SDHB: variants seen among roughly 807,000 people sequenced by gnomAD.
SDHB encodes succinate dehydrogenase [ubiquinone] iron-sulfur subunit, mitochondrial.
SDHB carries 21 observed loss-of-function variants against 39.7 expected under a neutral mutation model. That is an observed-to-expected ratio of 0.53 (90% CI 0.37 to 0.76). The LOEUF is 0.76. SDHB is among the 30% of genes least tolerant of loss of function. The pLI is 0.00. For synonymous variants in SDHB, 118 were observed against 117.0 expected, an observed-to-expected ratio of 1.01 and a Z score of -0.06; for missense variants, 343 against 350.9, an observed-to-expected ratio of 0.98 and a Z score of 0.18.
In SDHB at chr1:17,025,344, A is replaced by C. The variant is rs536213167; in HGVS notation, c.541-1270T>G. On this transcript the variant is annotated intron_variant, in intron 5 of 7. Transcript: ENST00000375499. Reference sequence around the variant, plus strand: ...CAGCTACATAAAAATATAATGTAATAAACAAAAAACAAAGGAAACTATAAA... The same window carrying C: ...CAGCTACATAAAAATATAATGTAATCAACAAAAAACAAAGGAAACTATAAA... 4.7e-4 allele frequency among the ~76,000 whole-genome samples: 71 copies of C among 152,192 alleles called. 1 individual carries two copies. Among genetic ancestry groups the C allele is most frequent in the Non-Finnish European group, 6.0e-4 (41 of 67,992 alleles).
At chr1:17,044,229 T>C (rs2078096118) in intron 2 of SDHB, among the ~76,000 whole-genome samples, 1 of 152,182 alleles carries the variant, frequency 6.6e-6, no homozygotes, top group Non-Finnish European at 1.5e-5. Flanking sequence ...TTAAATACTG[T>C]GCATAAAGTT....
rs2078003872 is a variant in SDHB at position 17,028,543 on chromosome 1, A to C, written c.423+57T>G. 5 of 1,588,550 alleles carry C rather than the reference A, an allele frequency of 3.1e-6. No individual in the cohort carries two copies. In the South Asian group the frequency reaches 4.4e-5, roughly 14 times the overall value. ...CCCTGAAAAACTAATAGCGTAACAC[A>C]CATAGCACTGCCCCCCATGCAAATA... On this transcript the variant is annotated intron_variant, in intron 4 of 7. Transcript: ENST00000375499.
intron 2 of SDHB, among the ~76,000 whole-genome samples, chr1:17,036,075 C>G (rs2078048993): frequency 6.6e-6 from 1 of 152,006 alleles, no homozygotes; most frequent in Non-Finnish European, 1.5e-5. Flanking sequence ...GTTTGATATT[C>G]TGGGTCCCTT....
chr1:17,049,647 C>CTTTTTTTTTTTTTTTT lies in SDHB; in HGVS notation c.72+4285_72+4300dup, dbSNP rs397835910. ...GGGACTGGAGCATAATCCCCTAGTT[C>CTTTTTTTTTTTTTTTT]TTTTTTTTTTTTTTTTTTTTTTTTT... On this transcript the variant is annotated intron_variant, in intron 1 of 7. Coordinates refer to ENST00000375499, the MANE Select transcript of SDHB (RefSeq NM_003000.3). Among the ~76,000 whole-genome samples the CTTTTTTTTTTTTTTTT allele has an allele frequency of 6.3e-4, 33 of 52,066 alleles. 7 individuals are homozygous for CTTTTTTTTTTTTTTTT. Among genetic ancestry groups the CTTTTTTTTTTTTTTTT allele is most frequent in the African/African-American group, 5.9e-4 (6 of 10,178 alleles). 34.2% of individuals were successfully genotyped at this position (52,066 alleles called of 152,430 possible).
intron 2 of SDHB, among the ~76,000 whole-genome samples, chr1:17,041,132 G>GAAAC (rs954318097): frequency 1.3e-5 from 2 of 151,910 alleles, no homozygotes; most frequent in African/African-American, 4.8e-5. Context: ...TCCGTCTCAA[G>GAAAC]AAACAAACAA....
At chr1:17,027,570 T>A (rs1471289900) in intron 5 of SDHB, 179 bp downstream of exon 5, 6 of 636,506 alleles carry the variant, frequency 9.4e-6, no homozygotes, top group African/African-American at 8.9e-5. Flanking sequence ...TCTGGGCCAT[T>A]CACGGGTTCA....
intron 2 of SDHB, among the ~76,000 whole-genome samples, chr1:17,035,863 AATAAATAAATAAATAG>A (rs2078048143): frequency 6.6e-6 from 1 of 152,072 alleles, no homozygotes; most frequent in South Asian, 2.1e-4. Context: ...GTCTCAAAAA[AATAAATAAATAAATAG>A]ATAAATAAAT....
intron 2 of SDHB, among the ~76,000 whole-genome samples, chr1:17,038,216 G>A (rs1210614510): frequency 1.4e-4 from 22 of 152,108 alleles, no homozygotes; most frequent in Admixed American, 1.4e-3. Flanking sequence ...CCTGCCCAAG[G>A]TTTTGTGTAA....
chr1:17,039,476 A>G (rs1345718446), intron 2 of SDHB, among the ~76,000 whole-genome samples: 1 of 149,890 alleles, frequency 6.7e-6, no homozygotes, highest in Admixed American at 6.7e-5. Context: ...AGTCCCAGGG[A>G]CATGGGAGGC....
rs1216083704 is a variant in SDHB, at chr1:17,018,875, A to C, written c.*6T>G. ...TGGTTATAAATCATGTTTAGCATGGAAACAGTTAAACTGAAGCTTTCTTCT... is the reference window on the plus strand; with the variant it reads ...TGGTTATAAATCATGTTTAGCATGGCAACAGTTAAACTGAAGCTTTCTTCT... On this transcript the variant is annotated 3_prime_UTR_variant, in exon 8 of 8. Transcript: ENST00000375499. 1.3e-6 allele frequency: 2 copies of C among 1,596,522 alleles called. No homozygotes were observed. The highest frequency in any genetic ancestry group is 1.3e-5 in the African/African-American group (1 of 74,670).
chr1:17,041,475 G>C (rs188976082), intron 2 of SDHB, among the ~76,000 whole-genome samples: 3 of 152,086 alleles, frequency 2.0e-5, no homozygotes, highest in African/African-American at 7.2e-5. Context: ...ATCAAGACCA[G>C]CCTGGCCAAC....
At chr1:17,040,502 TG>T (rs754075643) in intron 2 of SDHB, among the ~76,000 whole-genome samples, 7 of 152,328 alleles carry the variant, frequency 4.6e-5, no homozygotes, top group Non-Finnish European at 1.0e-4. Flanking sequence ...CTGCCCAGGT[TG>T]GAGTACAGTG....
At chr1:17,045,860 T>C (rs2078106962) in intron 1 of SDHB, among the ~76,000 whole-genome samples, 1 of 152,172 alleles carries the variant, frequency 6.6e-6, no homozygotes, top group South Asian at 2.1e-4. Context: ...GGTACTTTAA[T>C]CCCAGAAGAC....
intron 1 of SDHB, among the ~76,000 whole-genome samples, chr1:17,045,939 A>G (rs2078107227): frequency 6.6e-6 from 1 of 152,188 alleles, no homozygotes; most frequent in African/African-American, 2.4e-5. Context: ...CTTTCATTTC[A>G]ATAAATCTAT....
chr1:17,051,007 AG>A (rs1302733401), intron 1 of SDHB, among the ~76,000 whole-genome samples: 1 of 152,238 alleles, frequency 6.6e-6, no homozygotes, highest in East Asian at 1.9e-4. Context: ...ATAGCAACAC[AG>A]GTCACTTGAT....
intron 5 of SDHB, among the ~76,000 whole-genome samples, chr1:17,025,909 G>A (rs549889350): frequency 6.6e-6 from 1 of 152,312 alleles, no homozygotes; most frequent in Non-Finnish European, 1.5e-5. Context: ...CTGCTCAAAG[G>A]AAATGTTCAC....
rs1570944929 is a variant in SDHB at position 17,022,706 on chromosome 1, T to C, written c.667A>G (p.Arg223Gly). ...MQAYRWMIDS[R>G]DDFTEERLAK... ...AGGCGCTCCTCTGTGAAGTCATCTC[T>C]GGAGTCAATCATCCAGCGATAGGCC... Residue 223 changes from arginine to glycine, a missense_variant, in exon 7 of 8, where the codon AGA becomes GGA. Transcript: ENST00000375499. 6.2e-7 allele frequency: 1 copy of C among 1,613,918 alleles called. No individual in the cohort carries two copies. The highest frequency in any genetic ancestry group is 8.5e-7 in the Non-Finnish European group (1 of 1,179,848).
In SDHB at chr1:17,045,019, G is replaced by A. The variant is rs900483889; in HGVS notation, c.73-131C>T. ...ACTGACACATAATCTTCTTAGAAAA[G>A]GCAGGCATTCAATATCCAACAAGTA... On this transcript the variant is annotated intron_variant, in intron 1 of 7. Coordinates refer to ENST00000375499, the MANE Select transcript of SDHB (RefSeq NM_003000.3). The A allele has an allele frequency of 1.9e-5, 16 of 821,534 alleles. No individual in the cohort carries two copies. The Admixed American group carries it at 2.7e-4, about 14-fold the overall frequency. 50.9% of individuals were successfully genotyped at this position (821,534 alleles called of 1,614,324 possible).
intron 6 of SDHB, 75 bp from the exon 7 acceptor site, chr1:17,022,805 T>G: frequency 4.5e-6 from 7 of 1,553,600 alleles, no homozygotes; most frequent in East Asian, 2.4e-5. Context: ...CTCAAAGCTC[T>G]GGGAGTGCAG....
Sources: gnomAD v4.1 joint callset for allele counts (sites outside exome capture counted in the v4.1 genomes callset) on GRCh38, gnomAD v4.1.1 for gene constraint, MANE v1.5 for transcripts, NCBI Gene and HGNC (gene_info 2026-07-23, HGNC 2026-07-21) for gene names.